Variants in SLC16A7 observed in about 807,000 individuals in gnomAD.
SLC16A7 encodes the protein solute carrier family 16 member 7.
In SLC16A7, 33 loss-of-function variants were observed where a neutral mutation model predicts 34.9. The ratio of observed to expected loss-of-function variants is 0.94; its 90% CI spans 0.72 to 1.26. SLC16A7 has a LOEUF of 1.26. SLC16A7 is among the 50% of genes most tolerant of loss of function. The pLI is 0.00. For synonymous variants in SLC16A7, 201 were observed against 206.6 expected (o/e 0.97, Z 0.23); for missense variants, 573 against 578.1 (o/e 0.99, Z 0.09).
chr12:59,779,397 C>T (rs1883063669), intron 5 of SLC16A7, 26 bp from the exon 6 acceptor site: 1 of 1,530,470 alleles, frequency 6.5e-7, no homozygotes, highest in South Asian at 1.2e-5. Context: ...ATTATGCCAA[C>T]TTAAAAGATG....
intron 1 of SLC16A7, among the ~76,000 whole-genome samples, chr12:59,635,871 TAATG>T (rs1282486225): frequency 2.0e-5 from 3 of 152,010 alleles, no homozygotes; most frequent in South Asian, 4.1e-4. Context: ...TGTATGTTAA[TAATG>T]ACATGCTAGA....
chr12:59,774,731 G>A lies in SLC16A7; in HGVS notation c.436G>A (p.Ala146Thr). Reference sequence around the variant, plus strand: ...ATACTTCTATAGGAAGCGACCCATGGCAAATGGATTGGCCATGGCAGGAAG... The same window carrying A: ...ATACTTCTATAGGAAGCGACCCATGACAAATGGATTGGCCATGGCAGGAAG... ...GKYFYRKRPM[A>T]NGLAMAGSPV... is the part of the protein sequence containing the mutation. The change falls in exon 5 of 6, where the codon GCA becomes ACA. Residue 146 changes from alanine (A) to threonine (T), a missense_variant. Coordinates refer to ENST00000547379, the MANE Select transcript of SLC16A7 (RefSeq NM_001270623.2). 1.9e-6 allele frequency: 3 copies of A among 1,613,662 alleles called. No individual in the cohort carries two copies. Among genetic ancestry groups the A allele is most frequent in the Non-Finnish European group, 2.5e-6 (3 of 1,179,846 alleles).
intron 2 of SLC16A7, among the ~76,000 whole-genome samples, chr12:59,666,996 T>C (rs1215615800): frequency 2.0e-5 from 3 of 152,154 alleles, no homozygotes; most frequent in Non-Finnish European, 2.9e-5. Context: ...TAGTTCCACG[T>C]GGCTGGGGAG....
intron 1 of SLC16A7, among the ~76,000 whole-genome samples, chr12:59,617,619 G>T (rs925113102): frequency 1.3e-5 from 2 of 151,852 alleles, no homozygotes; most frequent in Non-Finnish European, 2.9e-5. Context: ...TAGGCTCTGC[G>T]CTTGTTTTCA....
chr12:59,711,544 A>C (rs1298293009), intron 3 of SLC16A7, among the ~76,000 whole-genome samples: 2 of 152,196 alleles, frequency 1.3e-5, no homozygotes, highest in South Asian at 2.1e-4. Flanking sequence ...AATTTGAAAC[A>C]GGGTCACTCT....
At chr12:59,739,817 T>A (rs1281798384) in intron 3 of SLC16A7, among the ~76,000 whole-genome samples, 1 of 152,254 alleles carries the variant, frequency 6.6e-6, no homozygotes, top group Non-Finnish European at 1.5e-5. Flanking sequence ...TTTTTTCATG[T>A]GTTTTTTGGC....
chr12:59,754,306 A>G (rs1028437946), intron 3 of SLC16A7, among the ~76,000 whole-genome samples: 118 of 152,302 alleles, frequency 7.7e-4, no homozygotes, highest in Non-Finnish European at 1.4e-3. Context: ...CAAAAAATTA[A>G]TGAATCCAGG....
At chr12:59,778,632 G>A (rs1165856758) in intron 5 of SLC16A7, among the ~76,000 whole-genome samples, 3 of 152,066 alleles carry the variant, frequency 2.0e-5, no homozygotes, top group African/African-American at 7.2e-5. Context: ...ATGGCACCAG[G>A]CTAGATTTTA....
intron 3 of SLC16A7, among the ~76,000 whole-genome samples, chr12:59,760,885 C>T (rs1880940690): frequency 1.3e-5 from 2 of 151,978 alleles, no homozygotes. Context: ...AAAGTGAAAC[C>T]TTGGGTAAGG....
At chr12:59,701,328 G>C in intron 2 of SLC16A7, among the ~76,000 whole-genome samples, 1 of 150,778 alleles carries the variant, frequency 6.6e-6, no homozygotes, top group Non-Finnish European at 1.5e-5. Flanking sequence ...CAGAGTAAAT[G>C]ATGGAGCCAG....
At chr12:59,771,120 A>T in intron 3 of SLC16A7, 99 bp from the exon 4 acceptor site, 1 of 1,178,292 alleles carries the variant, frequency 8.5e-7, no homozygotes, top group Non-Finnish European at 1.2e-6. Flanking sequence ...TCTGACCATT[A>T]AAATGTGCTT....
rs1883131266 is a variant in SLC16A7, at chr12:59,780,085, T to C, written c.*406T>C. On this transcript the variant is annotated 3_prime_UTR_variant, in exon 6 of 6. Coordinates refer to ENST00000547379, the MANE Select transcript of SLC16A7 (RefSeq NM_001270623.2). ...TATACATTTCATTTTTTATTTGATATTAAAGTATGAGATAGAGTTGAGAGA... is the reference window on the plus strand; with the variant it reads ...TATACATTTCATTTTTTATTTGATACTAAAGTATGAGATAGAGTTGAGAGA... The C allele has an allele frequency of 6.2e-6, 1 of 162,586 alleles. No individual in the cohort carries two copies. Among genetic ancestry groups the C allele is most frequent in the Non-Finnish European group, 1.4e-5 (1 of 74,046 alleles). 10.1% of individuals were successfully genotyped at this position (162,586 alleles called of 1,614,324 possible).
At chr12:59,729,543 G>T (rs1365292438) in intron 3 of SLC16A7, among the ~76,000 whole-genome samples, 1 of 151,974 alleles carries the variant, frequency 6.6e-6, no homozygotes, top group Non-Finnish European at 1.5e-5. Context: ...CATTGCACCT[G>T]TGTAAACTAA....
chr12:59,672,324 AAC>A (rs1869947927), intron 2 of SLC16A7, among the ~76,000 whole-genome samples: 1 of 148,884 alleles, frequency 6.7e-6, no homozygotes, highest in Non-Finnish European at 1.5e-5. Context: ...GTTGATGAGC[AAC>A]AGTTTTATTT....
Position 59,782,623 on chromosome 12 carries a change from T to C in SLC16A7, c.*2944T>C, listed in dbSNP as rs1397820118. 6.6e-6 allele frequency: 1 copy of C among 152,146 alleles called. No homozygotes were observed. Among genetic ancestry groups the C allele is most frequent in the African/African-American group, 2.4e-5 (1 of 41,432 alleles). 9.4% of individuals were successfully genotyped at this position (152,146 alleles called of 1,614,324 possible). A position where few individuals can be genotyped will look rare whatever the true frequency, so the allele number is the denominator to read the frequency against. ...TCAAGGTATCCAGATAATTCATGGC[T>C]ACTTTAACTATTTTTTCATTCGTGT... On this transcript the variant is annotated 3_prime_UTR_variant, in exon 6 of 6. Transcript: ENST00000547379.
chr12:59,697,696 C>T lies in SLC16A7; in HGVS notation c.-30-7076C>T, dbSNP rs534048524. ...AGCATTTGCCTTGATATTGCTGCCCCTGTCTAGAAAAGACTGTTAAAAAAA... is the reference window on the plus strand; with the variant it reads ...AGCATTTGCCTTGATATTGCTGCCCTTGTCTAGAAAAGACTGTTAAAAAAA... On this transcript the variant is annotated intron_variant, in intron 2 of 5. Coordinates refer to ENST00000547379, the MANE Select transcript of SLC16A7 (RefSeq NM_001270623.2). Among the ~76,000 whole-genome samples the T allele has an allele frequency of 1.4e-3, 211 of 151,576 alleles. 1 individual carries two copies. The highest frequency in any genetic ancestry group is 6.8e-3 in the Middle Eastern group (2 of 294).
intron 3 of SLC16A7, among the ~76,000 whole-genome samples, chr12:59,720,942 A>G (rs982371548): frequency 6.6e-6 from 1 of 151,898 alleles, no homozygotes; most frequent in African/African-American, 2.4e-5. Context: ...TTATCTACCT[A>G]CCATTAATTT....
intron 3 of SLC16A7, among the ~76,000 whole-genome samples, chr12:59,707,133 AG>A (rs1265836272): frequency 6.6e-5 from 10 of 152,236 alleles, no homozygotes; most frequent in Non-Finnish European, 1.3e-4. Context: ...GGACTATTTT[AG>A]GGGGTATGCC....
chr12:59,718,053 T>A (rs1277842118), intron 3 of SLC16A7, among the ~76,000 whole-genome samples: 1 of 152,172 alleles, frequency 6.6e-6, no homozygotes, highest in Non-Finnish European at 1.5e-5. Context: ...CTCTTTTTAT[T>A]GCTTTAGCTA....
Sources: allele counts gnomAD v4.1 joint callset (sites outside exome capture counted in the v4.1 genomes callset), GRCh38; gene constraint gnomAD v4.1.1; transcripts MANE v1.5; gene names NCBI Gene and HGNC (gene_info 2026-07-23, HGNC 2026-07-21).